SPEF2: variants seen among roughly 807,000 people sequenced by gnomAD.
SPEF2 encodes the protein sperm flagellar and cilia associated 2.
In SPEF2, 187 loss-of-function variants were observed where a neutral mutation model predicts 224.6. The observed-to-expected ratio is 0.83, with a 90% CI of 0.74 to 0.94. The LOEUF is 0.94. SPEF2 is among the 40% of genes least tolerant of loss of function. SPEF2 has a pLI of 0.00. For synonymous variants in SPEF2, 715 were observed against 707.3 expected (o/e 1.01, Z -0.17); for missense variants, 2,170 against 2,135.6 (o/e 1.02, Z -0.32).
chr5:35,715,393 T>C lies in SPEF2; in HGVS notation c.2914+2507T>C, dbSNP rs544667702. On this transcript the variant is annotated intron_variant, in intron 20 of 36. Transcript: ENST00000356031. Reference sequence around the variant, plus strand: ...AAACTTCCAGTTTTAAAAAAAAAAGTCCTCCACAACTTAACATAGCAGTGG... The same window carrying C: ...AAACTTCCAGTTTTAAAAAAAAAAGCCCTCCACAACTTAACATAGCAGTGG... Among the ~76,000 whole-genome samples the C allele has an allele frequency of 2.0e-5, 3 of 152,082 alleles. No homozygotes were observed. The East Asian group carries it at 5.8e-4, about 29-fold the overall frequency.
Position 35,641,603 on chromosome 5 carries a change from C to G in SPEF2, c.334C>G (p.Leu112Val), listed in dbSNP as rs1434962818. ...IALQKKKKSGLTGVEMQTMQR... is the reference protein window; with the variant it reads ...IALQKKKKSGVTGVEMQTMQR... ...TCTTCAGAAAAAGAAGAAAAGTGGA[C>G]TGACTGGAGTGGAGATGCAAACCAT... Residue 112 changes from leucine (L) to valine (V), a missense_variant, in exon 3 of 37, where the codon CTG (leucine) becomes GTG (valine). Leu to Val is a conservative substitution (Grantham distance 32). Transcript: ENST00000356031. The G allele has an allele frequency of 1.2e-6, 2 of 1,613,648 alleles. No individual in the cohort carries two copies. The highest frequency in any genetic ancestry group is 1.7e-5 in the Admixed American group (1 of 59,950).
At chr5:35,707,612 T>A (rs1328933367) in intron 18 of SPEF2, among the ~76,000 whole-genome samples, 2 of 152,042 alleles carry the variant, frequency 1.3e-5, no homozygotes, top group African/African-American at 4.8e-5. Flanking sequence ...CTCTGCAGTG[T>A]GAAGGGATGG....
Position 35,691,109 on chromosome 5 carries a change from G to A in SPEF2, c.1597G>A (p.Gly533Ser), listed in dbSNP as rs565080106. The change falls in exon 11 of 37, where the codon GGC (glycine) becomes AGC (serine). Residue 533 changes from glycine (G) to serine (S), a missense_variant. Physicochemically the swap from Gly to Ser is moderately conservative, Grantham distance 56 (BLOSUM62 0). Coordinates refer to ENST00000356031, the MANE Select transcript of SPEF2 (RefSeq NM_024867.4). ...NLPPSNNCIL[G>S]HILHRLAEKS... ...ACCACCCTCCAACAATTGCATACTG[G>A]GCCATATTCTTCACAGGCTAGCTGA... is the stretch of plus-strand genomic sequence containing the variant. The A allele has an allele frequency of 2.5e-6, 4 of 1,614,016 alleles. No individual in the cohort carries two copies. The highest frequency in any genetic ancestry group is 2.5e-6 in the Non-Finnish European group (3 of 1,179,972).
intron 32 of SPEF2, among the ~76,000 whole-genome samples, chr5:35,794,822 T>C (rs1378963637): frequency 1.3e-5 from 2 of 152,210 alleles, no homozygotes; most frequent in Admixed American, 6.5e-5. Context: ...TTGGATGCTG[T>C]GTTTAAGAGA....
chr5:35,760,316 T>C (rs1460261139), intron 25 of SPEF2, among the ~76,000 whole-genome samples: 1 of 148,152 alleles, frequency 6.7e-6, no homozygotes, highest in Non-Finnish European at 1.5e-5. Context: ...CGAGCCAAGA[T>C]CTCACCACCG....
rs1358080760 is a variant in SPEF2 at position 35,800,115 on chromosome 5, C to CA, written c.4980dup (p.Val1661SerfsTer15). On this transcript the variant is annotated frameshift_variant, in exon 34 of 37. Transcript: ENST00000356031. LOFTEE classifies it high-confidence loss of function. ...GGCTGTTGGAACTCATGTCTTCCAA[C>CA]AAGTCAAAGCTTCCATTCCAAGTGC... 1 of 1,614,122 alleles carries CA rather than the reference C, an allele frequency of 6.2e-7. No individual in the cohort carries two copies.
At chr5:35,709,532 G>A in intron 19 of SPEF2, 2 of 988,084 alleles carry the variant, frequency 2.0e-6, no homozygotes, top group African/African-American at 3.5e-5. Context: ...CCAGAATAAG[G>A]GAACAAATTA....
In SPEF2 at chr5:35,692,424, C is replaced by G. The variant is rs1368959850; in HGVS notation, c.1745-146C>G. On this transcript the variant is annotated intron_variant, in intron 11 of 36. Coordinates refer to ENST00000356031, the MANE Select transcript of SPEF2 (RefSeq NM_024867.4). ...AGACTCCGTCTCAAACAAAACAAAC[C>G]AAACAAAACAAAAAAGAAACTTGAT... 4.7e-6 allele frequency: 3 copies of G among 645,108 alleles called. No individual in the cohort carries two copies. In the African/African-American group the frequency reaches 5.5e-5, roughly 12 times the overall value. 40.0% of individuals were successfully genotyped at this position (645,108 alleles called of 1,614,324 possible).
intron 1 of SPEF2, among the ~76,000 whole-genome samples, chr5:35,619,345 T>A (rs1259564774): frequency 6.6e-6 from 1 of 152,214 alleles, no homozygotes; most frequent in Non-Finnish European, 1.5e-5. Flanking sequence ...GAAAAGCAGT[T>A]ACATATTGCT....
At chr5:35,805,568 A>G (rs1267300714) in intron 34 of SPEF2, among the ~76,000 whole-genome samples, 3 of 152,170 alleles carry the variant, frequency 2.0e-5, no homozygotes, top group Non-Finnish European at 4.4e-5. Flanking sequence ...GCCAGCCAAA[A>G]ATGCCAAAAT....
rs569114310 is a variant in SPEF2 at position 35,796,335 on chromosome 5, C to T, written c.4830+540C>T. ...TTAAAAATCTCAATGCGGCCGGGCG[C>T]GGTGGCTCACGCCTGTAATCCCAGC... On this transcript the variant is annotated intron_variant, in intron 33 of 36. Transcript: ENST00000356031. Among the ~76,000 whole-genome samples the T allele has an allele frequency of 3.3e-5, 5 of 152,214 alleles. No homozygotes were observed. The South Asian group carries it at 6.2e-4, about 19-fold the overall frequency.
intron 28 of SPEF2, among the ~76,000 whole-genome samples, chr5:35,774,762 A>G (rs1156580190): frequency 6.6e-6 from 1 of 152,124 alleles, no homozygotes; most frequent in African/African-American, 2.4e-5. Context: ...ATTAACTACT[A>G]AGTATGATTT....
intron 10 of SPEF2, among the ~76,000 whole-genome samples, chr5:35,672,133 C>G (rs1423877179): frequency 1.3e-5 from 2 of 150,828 alleles, no homozygotes; most frequent in Non-Finnish European, 3.0e-5. Context: ...CCTGGCTTAT[C>G]TAAAAGAAAC....
chr5:35,708,398 A>G (rs1473510278), intron 18 of SPEF2, among the ~76,000 whole-genome samples: 1 of 151,920 alleles, frequency 6.6e-6, no homozygotes, highest in African/African-American at 2.4e-5. Flanking sequence ...ACGTTTTCAA[A>G]CAATCTTTTA....
In SPEF2 at chr5:35,644,374, C is replaced by T. The variant is rs1408564553; in HGVS notation, c.434C>T (p.Pro145Leu). ...ATTTAGAGACTTAGACACATGATAC[C>T]ACGTCAAACTGATTTCAATCTGATG... Reference protein sequence around the residue: ...TFQERLRHMIPRQTDFNLMRI... With the variant: ...TFQERLRHMILRQTDFNLMRI... The change falls in exon 4 of 37, where the codon CCA becomes CTA. Residue 145 changes from proline to leucine, a missense_variant. Pro to Leu is a moderately conservative substitution (Grantham distance 98). Transcript: ENST00000356031. 1 of 1,584,298 alleles carries T rather than the reference C, an allele frequency of 6.3e-7. No individual in the cohort carries two copies. Among genetic ancestry groups the T allele is most frequent in the East Asian group, 2.3e-5 (1 of 44,168 alleles).
intron 20 of SPEF2, 57 bp from the exon 21 acceptor site, chr5:35,727,618 C>A: frequency 7.0e-7 from 1 of 1,438,310 alleles, no homozygotes; most frequent in Non-Finnish European, 9.6e-7. Context: ...ATTCATCTAC[C>A]AGAATTCTGT....
intron 15 of SPEF2, chr5:35,700,127 G>A (rs747349078): frequency 2.3e-4 from 43 of 189,872 alleles, no homozygotes; most frequent in Admixed American, 1.5e-3. Flanking sequence ...CTTCTGCCGT[G>A]ATTGTGAGGC....
At position 35,745,499 on chromosome 5, in the gene SPEF2, C is replaced by T. The variant is rs920652841; in HGVS notation, c.3330+5232C>T. On this transcript the variant is annotated intron_variant, in intron 23 of 36. Transcript: ENST00000356031. Reference sequence around the variant, plus strand: ...GGCAGAGGCCCGGTGGGAGTGAGACCGGCCCTTAGGTTTGCATGGGAGCTG... The same window carrying T: ...GGCAGAGGCCCGGTGGGAGTGAGACTGGCCCTTAGGTTTGCATGGGAGCTG... Among the ~76,000 whole-genome samples the T allele has an allele frequency of 6.6e-5, 10 of 152,212 alleles. 2 individuals are homozygous for T. The highest frequency in any genetic ancestry group is 1.9e-4 in the East Asian group (1 of 5,150).
At chr5:35,737,225 T>A (rs1011819362) in intron 21 of SPEF2, among the ~76,000 whole-genome samples, 2 of 152,230 alleles carry the variant, frequency 1.3e-5, no homozygotes, top group African/African-American at 2.4e-5. Flanking sequence ...TGATTTTTTT[T>A]ATTATACTTT....
Sources: gnomAD v4.1 joint callset for allele counts (sites outside exome capture counted in the v4.1 genomes callset) on GRCh38, gnomAD v4.1.1 for gene constraint, MANE v1.5 for transcripts, NCBI Gene and HGNC (gene_info 2026-07-23, HGNC 2026-07-21) for gene names.